The following SHISA9 variants were observed in gnomAD, a reference collection of about 807,000 sequenced individuals.
SHISA9 encodes protein shisa-9.
In SHISA9, 13 loss-of-function variants were observed where a neutral mutation model predicts 38.0. The observed-to-expected ratio is 0.34, with a 90% CI of 0.22 to 0.54. The LOEUF (loss-of-function observed/expected upper bound fraction) is 0.54. Among genes scored for constraint, SHISA9 ranks in the 20% least tolerant of loss-of-function variants. SHISA9 has a pLI of 0.91. For missense variants in SHISA9, 538 were observed against 575.8 expected (o/e 0.93, Z 0.67); for synonymous variants, 275 against 242.0 (o/e 1.14, Z -1.27).
intron 4 of SHISA9, among the ~76,000 whole-genome samples, chr16:13,232,218 G>T (rs1037265489): frequency 2.6e-5 from 4 of 152,132 alleles, no homozygotes; most frequent in African/African-American, 7.2e-5. Flanking sequence ...TCCCCTGAGA[G>T]ATGAAAGTTC....
the SHISA9 span, among the ~76,000 whole-genome samples, chr16:13,263,164 C>G: frequency 6.6e-6 from 1 of 152,184 alleles, no homozygotes; most frequent in African/African-American, 2.4e-5. Context: ...ATGGACATTT[C>G]TCATCTCTGT....
chr16:13,056,621 C>T (rs74507751), intron 2 of SHISA9, among the ~76,000 whole-genome samples: 2,536 of 152,306 alleles, frequency 0.017, 42 homozygotes, highest in South Asian at 0.036. Flanking sequence ...AGACTCAGGG[C>T]CTGCTCCTTA....
chr16:12,909,060 T>G (rs771976543), intron 1 of SHISA9: 47 of 995,238 alleles, frequency 4.7e-5, no homozygotes, highest in Non-Finnish European at 5.6e-5. Context: ...TTCTATGCAT[T>G]TGTGGTTATC....
chr16:12,911,820 G>T (rs1010060396), intron 1 of SHISA9, among the ~76,000 whole-genome samples: 28 of 112,198 alleles, frequency 2.5e-4, no homozygotes, highest in Non-Finnish European at 5.9e-5. Flanking sequence ...TGTTAAGAAG[G>T]GGGGCATTTT....
At chr16:13,281,109 A>G in the SHISA9 span, among the ~76,000 whole-genome samples, 1 of 151,804 alleles carries the variant, frequency 6.6e-6, no homozygotes, top group Non-Finnish European at 1.5e-5. Context: ...CTCGTTTTTA[A>G]AAATATCTAT....
the SHISA9 span, among the ~76,000 whole-genome samples, chr16:13,276,961 T>C: frequency 2.0e-5 from 3 of 152,200 alleles, no homozygotes; most frequent in Non-Finnish European, 4.4e-5. Flanking sequence ...GCATTTGCTT[T>C]TGGGTTCATG....
chr16:13,167,149 T>A (rs1596696109), intron 2 of SHISA9, among the ~76,000 whole-genome samples: 1 of 148,714 alleles, frequency 6.7e-6, no homozygotes. Flanking sequence ...CTCAGCTCAC[T>A]GCAACCTCCG....
At chr16:13,291,910 G>C in the SHISA9 span, among the ~76,000 whole-genome samples, 1 of 152,148 alleles carries the variant, frequency 6.6e-6, no homozygotes, top group African/African-American at 2.4e-5. Context: ...CTACTGCTAA[G>C]AGATAGGGAG....
chr16:13,423,558 C>G, the SHISA9 span, among the ~76,000 whole-genome samples: 1 of 152,102 alleles, frequency 6.6e-6, no homozygotes, highest in Admixed American at 6.6e-5. Context: ...CCAAATAAAA[C>G]AACTCATTTC....
At chr16:13,268,864 A>G in the SHISA9 span, among the ~76,000 whole-genome samples, 2 of 152,170 alleles carry the variant, frequency 1.3e-5, no homozygotes, top group South Asian at 2.1e-4. Flanking sequence ...TACGTGTCCA[A>G]TTGGACACAT....
At chr16:13,222,088 C>G (rs1460227454) in intron 4 of SHISA9, among the ~76,000 whole-genome samples, 1 of 152,096 alleles carries the variant, frequency 6.6e-6, no homozygotes, top group African/African-American at 2.4e-5. Context: ...TGCAGGGGAA[C>G]TCCCCATTAT....
chr16:13,182,189 C>G (rs1329713347), intron 2 of SHISA9, among the ~76,000 whole-genome samples: 1 of 152,112 alleles, frequency 6.6e-6, no homozygotes, highest in Non-Finnish European at 1.5e-5. Context: ...TTCATTTTTG[C>G]CAGATAGTTT....
At chr16:13,406,595 A>G in the SHISA9 span, among the ~76,000 whole-genome samples, 1 of 152,232 alleles carries the variant, frequency 6.6e-6, no homozygotes, top group East Asian at 1.9e-4. Context: ...GACTTCTACA[A>G]CTTATGAGTA....
intron 2 of SHISA9, among the ~76,000 whole-genome samples, chr16:13,011,897 C>T (rs1197122812): frequency 1.3e-5 from 2 of 151,876 alleles, no homozygotes; most frequent in African/African-American, 4.8e-5. Flanking sequence ...ATGATCTCAA[C>T]TGACTATAAC....
At chr16:13,162,671 C>T (rs943273288) in intron 2 of SHISA9, among the ~76,000 whole-genome samples, 1 of 152,050 alleles carries the variant, frequency 6.6e-6, no homozygotes, top group Non-Finnish European at 1.5e-5. Flanking sequence ...ATTATAAGGC[C>T]ATTTTACATA....
chr16:13,422,355 C>A, the SHISA9 span, among the ~76,000 whole-genome samples: 1 of 152,278 alleles, frequency 6.6e-6, no homozygotes, highest in East Asian at 1.9e-4. Flanking sequence ...ATGCCATCAA[C>A]ATTCACATAG....
At chr16:13,502,039 T>G in the SHISA9 span, among the ~76,000 whole-genome samples, 1 of 150,162 alleles carries the variant, frequency 6.7e-6, no homozygotes, top group African/African-American at 2.4e-5. Flanking sequence ...AACAAATAAA[T>G]GAACAGATGG....
chr16:13,203,991 CTAT>C (rs1484287384), intron 3 of SHISA9, among the ~76,000 whole-genome samples: 1 of 152,104 alleles, frequency 6.6e-6, no homozygotes, highest in African/African-American at 2.4e-5. Flanking sequence ...ACCCATCCAC[CTAT>C]TCACTTATCC....
At chr16:13,138,485 C>G (rs748575382) in intron 2 of SHISA9, among the ~76,000 whole-genome samples, 1 of 152,162 alleles carries the variant, frequency 6.6e-6, no homozygotes, top group Non-Finnish European at 1.5e-5. Context: ...GATTCATCTC[C>G]TATGACACTG....
Sources: allele counts gnomAD v4.1 joint callset (sites outside exome capture counted in the v4.1 genomes callset), GRCh38; gene constraint gnomAD v4.1.1; transcripts MANE v1.5; gene names NCBI Gene and HGNC (gene_info 2026-07-23, HGNC 2026-07-21).